CNOT8: variants seen among roughly 807,000 people sequenced by gnomAD.
CNOT8 encodes the protein CAF1-like protein.
CNOT8 carries 18 observed loss-of-function variants against 34.6 expected under a neutral mutation model. That is an observed-to-expected ratio of 0.52 (90% CI 0.36 to 0.77). The LOEUF (loss-of-function observed/expected upper bound fraction) is 0.77, where lower values mean the gene tolerates loss of function less well. Among genes scored for constraint, CNOT8 ranks in the 30% least tolerant of loss-of-function variants. The pLI is 0.00. For synonymous variants in CNOT8, 101 were observed against 118.8 expected (o/e 0.85, Z 0.98); for missense variants, 189 against 347.9 (o/e 0.54, Z 3.63).
At chr5:154,860,186 G>T (rs894026914) in intron 1 of CNOT8, among the ~76,000 whole-genome samples, 1 of 152,172 alleles carries the variant, frequency 6.6e-6, no homozygotes, top group Non-Finnish European at 1.5e-5. Flanking sequence ...TGCGCTGTGA[G>T]ATGCTTGCCC....
At chr5:154,868,563 C>T (rs187525493) in intron 3 of CNOT8, among the ~76,000 whole-genome samples, 2 of 152,276 alleles carry the variant, frequency 1.3e-5, no homozygotes, top group Admixed American at 6.5e-5. Context: ...CCACCGCACC[C>T]GACCTATTTA....
chr5:154,861,690 CTCT>C (rs1761356609), intron 1 of CNOT8, among the ~76,000 whole-genome samples: 1 of 152,094 alleles, frequency 6.6e-6, no homozygotes, highest in South Asian at 2.1e-4. Context: ...TTATGATAAG[CTCT>C]TTTTTGTTTG....
upstream of CNOT8, chr5:154,858,378 G>C (rs1269216900): frequency 6.6e-6 from 1 of 152,236 alleles, no homozygotes; most frequent in African/African-American, 2.4e-5. Flanking sequence ...CACCTATTCG[G>C]CGGCACCCTG....
chr5:154,871,601 T>A (rs2113378124), intron 4 of CNOT8, 129 bp from the exon 5 acceptor site: 5 of 554,158 alleles, frequency 9.0e-6, no homozygotes, highest in African/African-American at 2.0e-5. Flanking sequence ...TATAGTACGA[T>A]AAACTACTCA....
Position 154,863,298 on chromosome 5 carries a change from A to T in CNOT8, c.20A>T (p.Glu7Val). The T allele has an allele frequency of 1.2e-6, 2 of 1,614,050 alleles. No individual in the cohort carries two copies. Among genetic ancestry groups the T allele is most frequent in the Non-Finnish European group, 1.7e-6 (2 of 1,179,904 alleles). MPAALV[E>V]NSQVICEVWA... is the part of the protein sequence containing the mutation. ...TTCAGGATGCCTGCAGCACTTGTGGAGAATAGCCAGGTTATCTGTGAAGTG... is the reference window on the plus strand; with the variant it reads ...TTCAGGATGCCTGCAGCACTTGTGGTGAATAGCCAGGTTATCTGTGAAGTG... The change falls in exon 2 of 7, where the codon GAG (glutamate) becomes GTG (valine). Residue 7 changes from glutamate (E) to valine (V), a missense_variant. This residue lies in a region of CNOT8 where 160 missense variants were observed against 321.9 expected (regional missense o/e 0.50). Transcript: ENST00000285896.
intron 3 of CNOT8, chr5:154,867,746 TAGG>T (rs1002042923): frequency 4.1e-5 from 11 of 265,842 alleles, no homozygotes; most frequent in Non-Finnish European, 7.7e-5. Context: ...CTAAAAGACA[TAGG>T]AGAACAGACA....
At chr5:154,865,023 C>T (rs559504475) in intron 2 of CNOT8, among the ~76,000 whole-genome samples, 169 bp from the exon 3 acceptor site, 39 of 152,278 alleles carry the variant, frequency 2.6e-4, no homozygotes, top group African/African-American at 9.4e-4. Context: ...GCCTGGGTGA[C>T]AGAGACAGAC....
chr5:154,860,828 C>CAT (rs1194670289), intron 1 of CNOT8, among the ~76,000 whole-genome samples: 3 of 152,138 alleles, frequency 2.0e-5, no homozygotes, highest in African/African-American at 7.2e-5. Context: ...CGGCAGTCCC[C>CAT]ATATATATGC....
At chr5:154,871,621 A>G in intron 4 of CNOT8, 109 bp from the exon 5 acceptor site, 1 of 976,166 alleles carries the variant, frequency 1.0e-6, no homozygotes, top group Non-Finnish European at 1.5e-6. Flanking sequence ...AGAAAAAGTG[A>G]AAGTTCCTAA....
At chr5:154,860,208 A>G (rs1761193425) in intron 1 of CNOT8, among the ~76,000 whole-genome samples, 1 of 152,192 alleles carries the variant, frequency 6.6e-6, no homozygotes, top group Non-Finnish European at 1.5e-5. Flanking sequence ...GAGGAGGCTT[A>G]AAAGGAGGAA....
At chr5:154,862,669 T>C (rs1761466254) in intron 1 of CNOT8, among the ~76,000 whole-genome samples, 1 of 152,162 alleles carries the variant, frequency 6.6e-6, no homozygotes, top group Non-Finnish European at 1.5e-5. Flanking sequence ...TTTGGGATTG[T>C]AGAGAAAAAT....
chr5:154,864,644 A>G (rs1306004269), intron 2 of CNOT8, among the ~76,000 whole-genome samples: 1 of 152,092 alleles, frequency 6.6e-6, no homozygotes, highest in Non-Finnish European at 1.5e-5. Context: ...CTGCATATCT[A>G]CCTGTAGTTA....
At chr5:154,872,934 A>T (rs957072525) in intron 6 of CNOT8, among the ~76,000 whole-genome samples, 1 of 151,934 alleles carries the variant, frequency 6.6e-6, no homozygotes, top group Non-Finnish European at 1.5e-5. Flanking sequence ...ATGCCCTACT[A>T]ATTTTTGTAT....
At chr5:154,873,215 G>A (rs1173712865) in intron 6 of CNOT8, among the ~76,000 whole-genome samples, 2 of 152,176 alleles carry the variant, frequency 1.3e-5, no homozygotes, top group Non-Finnish European at 1.5e-5. Flanking sequence ...CACATAGACT[G>A]TTTTTTTAGC....
intron 2 of CNOT8, 141 bp from the exon 3 acceptor site, chr5:154,865,051 A>G (rs1238845332): frequency 8.2e-6 from 6 of 728,192 alleles, no homozygotes; most frequent in Non-Finnish European, 4.6e-6. Context: ...ATCTCAAAAA[A>G]ACACAAAAAG....
chr5:154,868,263 CTTTTCTTTTTTT>C (rs1762107872), intron 3 of CNOT8, among the ~76,000 whole-genome samples: 1 of 127,258 alleles, frequency 7.9e-6, no homozygotes, highest in African/African-American at 3.1e-5. Context: ...TTTTTCTTTT[CTTTTCTTTTTTT>C]TTTTTTTTTT....
At chr5:154,866,927 A>G (rs536991939) in intron 3 of CNOT8, among the ~76,000 whole-genome samples, 2 of 152,254 alleles carry the variant, frequency 1.3e-5, no homozygotes, top group East Asian at 3.9e-4. Flanking sequence ...AAAAGAAAAA[A>G]AATAATGTTT....
intron 4 of CNOT8, among the ~76,000 whole-genome samples, chr5:154,871,176 T>G (rs1474801001): frequency 6.6e-6 from 1 of 152,226 alleles, no homozygotes; most frequent in Non-Finnish European, 1.5e-5. Context: ...CTCAGTACTT[T>G]TGGATTTTTG....
intron 5 of CNOT8, 63 bp from the exon 6 acceptor site, chr5:154,872,478 A>T: frequency 1.0e-6 from 1 of 982,638 alleles, no homozygotes; most frequent in Non-Finnish European, 1.6e-6. Context: ...AACTGCACTT[A>T]GTTGGCTCCA....
Sources: allele counts gnomAD v4.1 joint callset (sites outside exome capture counted in the v4.1 genomes callset), GRCh38; gene constraint gnomAD v4.1.1; regional missense constraint gnomAD v4.1.1; transcripts MANE v1.5; gene names NCBI Gene and HGNC (gene_info 2026-07-23, HGNC 2026-07-21).